Variants in STX3 observed in about 807,000 individuals in gnomAD.
STX3 encodes the protein syntaxin 3.
A neutral mutation model predicts 40.2 loss-of-function variants in STX3; 19 were observed. The observed-to-expected ratio is 0.47, with a 90% CI of 0.33 to 0.69. The LOEUF is 0.69. Among genes scored for constraint, STX3 ranks in the 30% least tolerant of loss-of-function variants. The probability of loss-of-function intolerance (pLI) is 0.02; values close to 1 mark genes in which losing one functional copy is unlikely to be tolerated. For missense variants in STX3, 364 were observed against 366.7 expected (o/e 0.99, Z 0.06); for synonymous variants, 122 against 132.2 (o/e 0.92, Z 0.53).
At chr11:59,784,309 T>A (rs1338975997) in intron 2 of STX3, among the ~76,000 whole-genome samples, 1 of 152,232 alleles carries the variant, frequency 6.6e-6, no homozygotes, top group African/African-American at 2.4e-5. Context: ...CATTTAAAAA[T>A]GTTTAGTGTG....
chr11:59,779,805 G>A (rs979928772), intron 2 of STX3, among the ~76,000 whole-genome samples: 4 of 152,172 alleles, frequency 2.6e-5, no homozygotes, highest in Non-Finnish European at 5.9e-5. Flanking sequence ...CTGGCTGGAG[G>A]AGCTGTGAGG....
intron 2 of STX3, among the ~76,000 whole-genome samples, chr11:59,786,534 A>G (rs1236043190): frequency 2.6e-5 from 4 of 151,248 alleles, no homozygotes; most frequent in African/African-American, 7.3e-5. Context: ...ACAGGCATGA[A>G]CCACCGCGCC....
chr11:59,800,876 G>A lies in STX3; in HGVS notation c.*52G>A. ...CTAGAAACTGATTTCACTCCAGACT[G>A]GTGTGGCCACCCTTGTCTTCAGATG... On this transcript the variant is annotated 3_prime_UTR_variant, in exon 11 of 11. Coordinates refer to ENST00000337979, the MANE Select transcript of STX3 (RefSeq NM_004177.5). 6.5e-7 allele frequency: 1 copy of A among 1,536,290 alleles called. No individual in the cohort carries two copies.
intron 1 of STX3, among the ~76,000 whole-genome samples, chr11:59,765,293 G>T (rs949881354): frequency 2.6e-5 from 4 of 152,154 alleles, no homozygotes; most frequent in African/African-American, 7.2e-5. Context: ...GAAACAGAGA[G>T]CATGGAGTGC....
intron 1 of STX3, among the ~76,000 whole-genome samples, chr11:59,767,618 C>T (rs28404622): frequency 5.9e-5 from 9 of 152,174 alleles, no homozygotes; most frequent in African/African-American, 2.2e-4. Context: ...AGATAACATG[C>T]GATGATGGCC....
chr11:59,770,303 TGTGTGTTTATATGTAGC>T (rs1185626949), intron 1 of STX3, among the ~76,000 whole-genome samples: 1 of 136,868 alleles, frequency 7.3e-6, no homozygotes, highest in African/African-American at 2.7e-5. Flanking sequence ...GTGTGTAGGG[TGTGTGTTTATATGTAGC>T]GTGTGTGTAT....
chr11:59,791,209 T>G (rs1865137109), intron 5 of STX3, among the ~76,000 whole-genome samples: 1 of 152,124 alleles, frequency 6.6e-6, no homozygotes, highest in Non-Finnish European at 1.5e-5. Flanking sequence ...ATGTGTGTGT[T>G]GGCAGCAGTG....
At chr11:59,797,217 G>C (rs945035722) in intron 9 of STX3, 66 bp from the exon 10 acceptor site, 63 of 1,284,656 alleles carry the variant, frequency 4.9e-5, no homozygotes, top group Non-Finnish European at 6.9e-5. Flanking sequence ...GTTAGGTTTT[G>C]GATGAGTTGT....
At chr11:59,793,537 G>C (rs75671895) in intron 8 of STX3, 23 bp downstream of exon 8, 2 of 1,605,658 alleles carry the variant, frequency 1.2e-6, no homozygotes, top group East Asian at 2.2e-5. Flanking sequence ...GAGTCCCAGC[G>C]TGGGGAGGGA....
chr11:59,780,496 A>G (rs552875823), intron 2 of STX3, among the ~76,000 whole-genome samples: 2 of 152,288 alleles, frequency 1.3e-5, no homozygotes, highest in Admixed American at 6.5e-5. Context: ...ACAGATTAAG[A>G]CAGTGAGGTA....
chr11:59,786,747 G>A (rs1864802506), intron 2 of STX3, among the ~76,000 whole-genome samples: 2 of 151,852 alleles, frequency 1.3e-5, no homozygotes, highest in African/African-American at 2.4e-5. Context: ...ATTCTTCATG[G>A]TTTTTCTTAG....
At chr11:59,763,783 C>A (rs1199222601) in intron 1 of STX3, among the ~76,000 whole-genome samples, 1 of 152,134 alleles carries the variant, frequency 6.6e-6, no homozygotes, top group African/African-American at 2.4e-5. Context: ...TTTGGGAGGC[C>A]GAGGCAGGTG....
Position 59,793,484 on chromosome 11 carries a change from T to C in STX3, c.645T>C (p.Phe215=), listed in dbSNP as rs34900239. 367 of 1,614,034 alleles carry C rather than the reference T, an allele frequency of 2.3e-4. 4 individuals are homozygous for C. In the African/African-American group the frequency reaches 4.3e-3, roughly 19 times the overall value. ...GCATCAAGGAGCTTCACGACATGTT[T>C]ATGGACATCGCCATGCTGGTGGAGA... ...ESSIKELHDM[F]MDIAMLVENQ... Residue 215 remains phenylalanine (F), a synonymous_variant, in exon 8 of 11, where the codon TTT becomes TTC. Transcript: ENST00000337979.
intron 1 of STX3, among the ~76,000 whole-genome samples, chr11:59,758,655 C>T (rs886466807): frequency 6.6e-6 from 1 of 152,186 alleles, no homozygotes; most frequent in East Asian, 1.9e-4. Context: ...TGGGCTCCCT[C>T]GACAGCCTGC....
At chr11:59,791,173 C>G (rs1865133807) in intron 5 of STX3, among the ~76,000 whole-genome samples, 1 of 152,120 alleles carries the variant, frequency 6.6e-6, no homozygotes, top group Non-Finnish European at 1.5e-5. Flanking sequence ...CTGAGAGGCA[C>G]AGGGGCAGGA....
At position 59,793,463 on chromosome 11, in the gene STX3, C is replaced by G. The variant is rs1202198412; in HGVS notation, c.624C>G (p.Ile208Met). The G allele has an allele frequency of 4.3e-6, 7 of 1,614,148 alleles. No individual in the cohort carries two copies. Among genetic ancestry groups the G allele is most frequent in the Middle Eastern group, 1.6e-4 (1 of 6,062 alleles). The change falls in exon 8 of 11, where the codon ATC (isoleucine) becomes ATG (methionine). Residue 208 changes from isoleucine (I) to methionine (M), a missense_variant. Coordinates refer to ENST00000337979, the MANE Select transcript of STX3 (RefSeq NM_004177.5). The part of the protein sequence containing the change: ...HKDIVRLESS[I>M]KELHDMFMDI... ...ACATTGTGAGGCTGGAGAGCAGCAT[C>G]AAGGAGCTTCACGACATGTTTATGG...
At chr11:59,765,333 G>T (rs562858074) in intron 1 of STX3, among the ~76,000 whole-genome samples, 7 of 152,310 alleles carry the variant, frequency 4.6e-5, no homozygotes, top group African/African-American at 1.7e-4. Context: ...AGAATTTCTG[G>T]CTCTTTAAAG....
At chr11:59,768,687 G>C (rs1863404473) in intron 1 of STX3, among the ~76,000 whole-genome samples, 1 of 152,188 alleles carries the variant, frequency 6.6e-6, no homozygotes, top group Non-Finnish European at 1.5e-5. Context: ...GGTTATGACA[G>C]ACAGGCTGAG....
chr11:59,795,530 T>G (rs1865462456), intron 9 of STX3, 48 bp downstream of exon 9: 1 of 1,570,392 alleles, frequency 6.4e-7, no homozygotes, highest in Non-Finnish European at 8.6e-7. Flanking sequence ...TTTTGTTTGC[T>G]GTGTCTCGCT....
Sources: allele counts gnomAD v4.1 joint callset (sites outside exome capture counted in the v4.1 genomes callset), GRCh38; gene constraint gnomAD v4.1.1; transcripts MANE v1.5; gene names NCBI Gene and HGNC (gene_info 2026-07-23, HGNC 2026-07-21).